Variants in GRIN2A observed in about 807,000 individuals in gnomAD.
GRIN2A encodes the protein glutamate receptor ionotropic, NMDA 2A.
In GRIN2A, 22 loss-of-function variants were observed where a neutral mutation model predicts 113.4. That is an observed-to-expected ratio of 0.19 (90% CI 0.14 to 0.28). GRIN2A has a LOEUF of 0.28. Among genes scored for constraint, GRIN2A ranks in the 10% least tolerant of loss-of-function variants. GRIN2A has a pLI of 1.00. For synonymous variants in GRIN2A, 827 were observed against 738.4 expected (o/e 1.12, Z -1.94); for missense variants, 1,502 against 1,887.0 (o/e 0.80, Z 3.78).
In GRIN2A at chr16:9,897,450, A is replaced by G. The variant is rs117569255; in HGVS notation, c.1008-6350T>C. On this transcript the variant is annotated intron_variant, in intron 3 of 12. Transcript: ENST00000330684. ...ATATAAACGGGGCCAGAATTGTCCA[A>G]TTCTCACTAGGCCTGCTATCACGTT... Among the ~76,000 whole-genome samples the G allele has an allele frequency of 2.0e-3, 310 of 152,216 alleles. 5 individuals are homozygous for G. In the East Asian group the frequency reaches 0.021, roughly 10 times the overall value.
chr16:9,846,261 C>A (rs979563238), intron 5 of GRIN2A, among the ~76,000 whole-genome samples: 2 of 152,144 alleles, frequency 1.3e-5, no homozygotes, highest in African/African-American at 4.8e-5. Flanking sequence ...AAAAAAACTT[C>A]ATCCCAGGGA....
At chr16:9,970,733 A>C (rs1019434214) in intron 2 of GRIN2A, 1 of 961,756 alleles carries the variant, frequency 1.0e-6, no homozygotes, top group South Asian at 4.8e-5. Context: ...AAGCAGGCAG[A>C]GTCCCCTACC....
At chr16:9,830,495 A>AG (rs111888680) in intron 8 of GRIN2A, among the ~76,000 whole-genome samples, 10 of 152,244 alleles carry the variant, frequency 6.6e-5, no homozygotes, top group African/African-American at 2.2e-4. Context: ...AAAAAAAAAA[A>AG]AAAAAATCAA....
At chr16:9,889,663 T>C (rs1224265276) in intron 4 of GRIN2A, among the ~76,000 whole-genome samples, 3 of 152,214 alleles carry the variant, frequency 2.0e-5, no homozygotes, top group African/African-American at 7.2e-5. Flanking sequence ...GTTTTCATTA[T>C]CATTCTGACT....
rs888092622 is a variant in GRIN2A, at chr16:10,144,586, G to C, written c.414+35412C>G. Reference sequence around the variant, plus strand: ...TAGCCCCTTATCAGATATATAATTTGCAAATATTTTCTCCCATTCTATAGG... The same window carrying C: ...TAGCCCCTTATCAGATATATAATTTCCAAATATTTTCTCCCATTCTATAGG... On this transcript the variant is annotated intron_variant, in intron 2 of 12. Transcript: ENST00000330684. Among the ~76,000 whole-genome samples, 6 of 152,084 alleles carry C rather than the reference G, an allele frequency of 3.9e-5. No individual in the cohort carries two copies. The East Asian group carries it at 9.6e-4, about 24-fold the overall frequency.
intron 2 of GRIN2A, among the ~76,000 whole-genome samples, chr16:10,047,750 C>T (rs2047285722): frequency 1.3e-5 from 2 of 152,130 alleles, no homozygotes; most frequent in South Asian, 4.1e-4. Flanking sequence ...TCCTTTTCTG[C>T]CCTGGAATAG....
intron 2 of GRIN2A, among the ~76,000 whole-genome samples, chr16:10,157,246 T>A (rs116210911): frequency 3.3e-5 from 5 of 152,136 alleles, no homozygotes; most frequent in African/African-American, 7.2e-5. Context: ...GGGCCAGGTA[T>A]AGTGTCAGAG....
intron 2 of GRIN2A, among the ~76,000 whole-genome samples, chr16:10,007,415 T>G (rs1240234110): frequency 6.6e-6 from 1 of 152,228 alleles, no homozygotes; most frequent in Non-Finnish European, 1.5e-5. Context: ...CTCTTTGCCA[T>G]TTGTATGTCT....
intron 11 of GRIN2A, among the ~76,000 whole-genome samples, chr16:9,777,822 G>A (rs1901694186): frequency 6.6e-6 from 1 of 152,202 alleles, no homozygotes; most frequent in Non-Finnish European, 1.5e-5. Context: ...CCAGCACTCT[G>A]GGAGGCCGAG....
At position 9,756,187 on chromosome 16, in the gene GRIN2A, G is replaced by C; in HGVS notation, c.*6962C>G. On this transcript the variant is annotated 3_prime_UTR_variant, in exon 13 of 13. Transcript: ENST00000330684. ...ATGTACTATGTATATATGTTTAATG[G>C]AATTAGCCCTGATGTTGACTGATAA... 1 of 227,582 alleles carries C rather than the reference G, an allele frequency of 4.4e-6. No individual in the cohort carries two copies. 14.1% of individuals were successfully genotyped at this position (227,582 alleles called of 1,614,324 possible).
chr16:10,082,003 T>C (rs2047994656), intron 2 of GRIN2A, among the ~76,000 whole-genome samples: 1 of 152,198 alleles, frequency 6.6e-6, no homozygotes. Flanking sequence ...TATTTTTTCA[T>C]AGGGTTATGA....
intron 3 of GRIN2A, among the ~76,000 whole-genome samples, chr16:9,928,770 G>C (rs535124511): frequency 6.6e-6 from 1 of 151,962 alleles, no homozygotes; most frequent in South Asian, 2.1e-4. Flanking sequence ...TCCCTCATCC[G>C]TCGAGACCCA....
chr16:10,034,535 CAAAAAAAA>C (rs58076569), intron 2 of GRIN2A, among the ~76,000 whole-genome samples: 1 of 36,430 alleles, frequency 2.7e-5, no homozygotes, highest in Non-Finnish European at 5.0e-5. Flanking sequence ...CAAAAAAAAG[CAAAAAAAA>C]AAAAAAAAAA....
rs2046830856 is a variant in GRIN2A at position 10,026,779 on chromosome 16, C to G, written c.415-88228G>C. 3.3e-5 allele frequency among the ~76,000 whole-genome samples: 5 copies of G among 152,294 alleles called. No homozygotes were observed. In the South Asian group the frequency reaches 1.0e-3, roughly 32 times the overall value. On this transcript the variant is annotated intron_variant, in intron 2 of 12. Transcript: ENST00000330684. ...AAACAAGAACCAGGTCTGCTTTTCT[C>G]TCACTTCCTCCCACCCCAAAACAAT...
chr16:9,779,814 C>T (rs1901836236), intron 11 of GRIN2A, among the ~76,000 whole-genome samples: 1 of 152,126 alleles, frequency 6.6e-6, no homozygotes, highest in South Asian at 2.1e-4. Flanking sequence ...GTCTAAGGCA[C>T]CAGATGGGGT....
At chr16:9,926,386 G>A (rs1016864617) in intron 3 of GRIN2A, among the ~76,000 whole-genome samples, 2 of 152,194 alleles carry the variant, frequency 1.3e-5, no homozygotes, top group African/African-American at 4.8e-5. Flanking sequence ...CTCTAGTCAT[G>A]GAAAATCATA....
intron 11 of GRIN2A, among the ~76,000 whole-genome samples, chr16:9,782,531 A>G (rs1472883238): frequency 1.3e-5 from 2 of 152,222 alleles, no homozygotes; most frequent in Admixed American, 6.5e-5. Context: ...GCACGAGCCT[A>G]TGTGACATCA....
intron 11 of GRIN2A, among the ~76,000 whole-genome samples, chr16:9,774,945 T>C (rs1053152067): frequency 1.3e-5 from 2 of 152,206 alleles, no homozygotes; most frequent in African/African-American, 2.4e-5. Context: ...CAGCTCTCCA[T>C]GGAGACTCTC....
intron 2 of GRIN2A, among the ~76,000 whole-genome samples, chr16:10,117,136 T>C (rs745334021): frequency 8.5e-5 from 13 of 152,156 alleles, no homozygotes; most frequent in Non-Finnish European, 4.4e-5. Flanking sequence ...CATCTGGATT[T>C]CGTGTTCCTC....
Sources: allele counts gnomAD v4.1 joint callset (sites outside exome capture counted in the v4.1 genomes callset), GRCh38; gene constraint gnomAD v4.1.1; transcripts MANE v1.5; gene names NCBI Gene and HGNC (gene_info 2026-07-23, HGNC 2026-07-21).